The following PTGES variants were observed in gnomAD, a reference collection of about 807,000 sequenced individuals.
PTGES encodes the protein MGST1-like 1.
PTGES carries 3 observed loss-of-function variants against 11.8 expected under a neutral mutation model. The observed-to-expected ratio is 0.25, with a 90% confidence interval of 0.12 to 0.66. PTGES has a LOEUF of 0.66. PTGES is among the 30% of genes least tolerant of loss of function. The pLI is 0.82. For missense variants in PTGES, 180 were observed against 213.0 expected (o/e 0.85, Z 0.96); for synonymous variants, 94 against 90.4 (o/e 1.04, Z -0.22).
At chr9:129,744,593 A>C (rs1323249615) in intron 2 of PTGES, among the ~76,000 whole-genome samples, 1 of 148,468 alleles carries the variant, frequency 6.7e-6, no homozygotes, top group Non-Finnish European at 1.5e-5. Context: ...AAAAAAAAAA[A>C]GACCGGGCGA....
chr9:129,744,837 A>G (rs1021714502), intron 2 of PTGES, among the ~76,000 whole-genome samples: 7 of 151,876 alleles, frequency 4.6e-5, no homozygotes, highest in Non-Finnish European at 7.4e-5. Flanking sequence ...AAACCACGCT[A>G]TTGCACTCCA....
intron 2 of PTGES, among the ~76,000 whole-genome samples, chr9:129,744,995 C>G (rs1182991360): frequency 6.6e-6 from 1 of 152,100 alleles, no homozygotes; most frequent in Non-Finnish European, 1.5e-5. Context: ...GCAAATCTCT[C>G]TCACTCTCTG....
Position 129,745,539 on chromosome 9 carries a change from T to C in PTGES, c.209+3116A>G, listed in dbSNP as rs1024888564. Among the ~76,000 whole-genome samples the C allele has an allele frequency of 1.3e-5, 2 of 152,178 alleles. No individual in the cohort carries two copies. Among genetic ancestry groups the C allele is most frequent in the African/African-American group, 4.8e-5 (2 of 41,426 alleles). The stretch of plus-strand genomic sequence containing the variant: ...TCTCTTAGTTCTGCACACTCAAGTT[T>C]CCATGAGGTTCTGTGAAATCAGGTG... On this transcript the variant is annotated intron_variant, in intron 2 of 2. Coordinates refer to ENST00000340607, the MANE Select transcript of PTGES (RefSeq NM_004878.5). The surrounding 1 kb of genome is among the most constrained non-coding windows in gnomAD (Gnocchi z 4.2).
intron 2 of PTGES, among the ~76,000 whole-genome samples, chr9:129,740,624 G>A (rs1447216301): frequency 6.6e-6 from 1 of 152,064 alleles, no homozygotes; most frequent in Non-Finnish European, 1.5e-5. Flanking sequence ...GGGGGCGGAG[G>A]GGCTCTGTAT....
rs1270619551 is a variant in PTGES, at chr9:129,752,891, T to C, written c.122A>G (p.Lys41Arg). ...AIITGQVRLRKKAFANPEDAL... is the reference protein window; with the variant it reads ...AIITGQVRLRRKAFANPEDAL... The stretch of plus-strand genomic sequence containing the variant: ...GACCCCCAGGGAGGCACATACCTTC[T>C]TCCGCAGCCTCACTTGGCCCGTGAT... Residue 41 changes from lysine (K) to arginine (R), a missense_variant, in exon 1 of 3, where the codon AAG (lysine) becomes AGG (arginine). By Grantham distance (26) the Lys-to-Arg change is conservative. Coordinates refer to ENST00000340607, the MANE Select transcript of PTGES (RefSeq NM_004878.5). 6.2e-7 allele frequency: 1 copy of C among 1,614,010 alleles called. No individual in the cohort carries two copies. The highest frequency in any genetic ancestry group is 8.5e-7 in the Non-Finnish European group (1 of 1,180,046).
In PTGES at chr9:129,745,678, C is replaced by T. The variant is rs548565749; in HGVS notation, c.209+2977G>A. Among the ~76,000 whole-genome samples the T allele has an allele frequency of 3.4e-4, 52 of 152,238 alleles. 1 individual carries two copies. Among genetic ancestry groups the T allele is most frequent in the Middle Eastern group, 3.4e-3 (1 of 294 alleles). On this transcript the variant is annotated intron_variant, in intron 2 of 2. Transcript: ENST00000340607. The surrounding 1 kb of genome is among the most constrained non-coding windows in gnomAD (Gnocchi z 4.2). ...GGCTATAAAGTATTATTAGATAAGA[C>T]GCACTCAGAAAGTGCTGAAATGAAT...
chr9:129,751,197 C>T (rs1465696544), intron 1 of PTGES, among the ~76,000 whole-genome samples: 1 of 152,050 alleles, frequency 6.6e-6, no homozygotes, highest in Non-Finnish European at 1.5e-5. Context: ...GTGACGCACA[C>T]CTATAGTCCC....
chr9:129,739,117 G>A lies in PTGES; in HGVS notation c.*494C>T, dbSNP rs1186459902. On this transcript the variant is annotated 3_prime_UTR_variant, in exon 3 of 3. Transcript: ENST00000340607. The surrounding 1 kb of genome is among the most constrained non-coding windows in gnomAD (Gnocchi z 5.7). ...ACTTCACTCCAGCTTGGGCAACAGA[G>A]CAAGACTCTGTCTTGGAAAAAAAAA... The A allele has an allele frequency of 6.2e-6, 1 of 161,858 alleles. No individual in the cohort carries two copies. The highest frequency in any genetic ancestry group is 1.4e-5 in the Non-Finnish European group (1 of 74,022). The allele number at this position is 161,858 out of a possible 1,614,324, so 10.0% of individuals were successfully genotyped here. A position where few individuals can be genotyped will look rare whatever the true frequency, so the allele number is the denominator to read the frequency against.
At chr9:129,741,009 T>C (rs12553174) in intron 2 of PTGES, among the ~76,000 whole-genome samples, 10,658 of 152,180 alleles carry the variant, frequency 0.07, 453 homozygotes, top group East Asian at 0.19. Context: ...CTCTTCCCTC[T>C]CACTGGCAAG....
At position 129,739,421 on chromosome 9, in the gene PTGES, T is replaced by TAC. The variant is rs561984491; in HGVS notation, c.*188_*189dup. On this transcript the variant is annotated 3_prime_UTR_variant, in exon 3 of 3. Coordinates refer to ENST00000340607, the MANE Select transcript of PTGES (RefSeq NM_004878.5). This position sits in a 1 kb window ranked among gnomAD's most constrained non-coding sequence, Gnocchi z 5.7. ...CAGGAATCCAAGGGGCTAAGAAACATACACACACACATACACACACACGGG... is the reference window on the plus strand; with the variant it reads ...CAGGAATCCAAGGGGCTAAGAAACATACACACACACACATACACACACACGGG... 34 of 632,582 alleles carry TAC rather than the reference T, an allele frequency of 5.4e-5. No homozygotes were observed. Among genetic ancestry groups the TAC allele is most frequent in the African/African-American group, 3.6e-4 (15 of 42,070 alleles). 39.2% of individuals were successfully genotyped at this position (632,582 alleles called of 1,614,324 possible).
At chr9:129,746,468 G>T (rs1447179807) in intron 2 of PTGES, among the ~76,000 whole-genome samples, 1 of 152,186 alleles carries the variant, frequency 6.6e-6, no homozygotes, top group African/African-American at 2.4e-5. Flanking sequence ...GGCCTCATAT[G>T]AAGGATTTGA....
At chr9:129,746,243 G>A (rs1833047663) in intron 2 of PTGES, among the ~76,000 whole-genome samples, 1 of 152,140 alleles carries the variant, frequency 6.6e-6, no homozygotes, top group South Asian at 2.1e-4. Flanking sequence ...CCTCTTGGTG[G>A]CTGCTGTGAG....
intron 1 of PTGES, among the ~76,000 whole-genome samples, chr9:129,748,983 A>G (rs1032007724): frequency 3.9e-5 from 6 of 152,218 alleles, no homozygotes; most frequent in African/African-American, 1.4e-4. Context: ...GAACCAGGGA[A>G]GGCCAGGGTG....
At chr9:129,740,289 C>G (rs1275064040) in intron 2 of PTGES, among the ~76,000 whole-genome samples, 1 of 152,188 alleles carries the variant, frequency 6.6e-6, no homozygotes, top group African/African-American at 2.4e-5. Flanking sequence ...CGAGTTCTGA[C>G]TGGAGTTTGT....
intron 1 of PTGES, among the ~76,000 whole-genome samples, chr9:129,751,367 C>T (rs867675257): frequency 1.5e-4 from 22 of 148,142 alleles, no homozygotes; most frequent in Middle Eastern, 3.6e-3. Flanking sequence ...AAAAAGGAAT[C>T]GCTGGCCTGC....
In PTGES at chr9:129,739,439, C is replaced by T. The variant is rs199603350; in HGVS notation, c.*172G>A. On this transcript the variant is annotated 3_prime_UTR_variant, in exon 3 of 3. Transcript: ENST00000340607. The surrounding 1 kb of genome is among the most constrained non-coding windows in gnomAD (Gnocchi z 5.7). ...AGAAACATACACACACACATACACA[C>T]ACACGGGCACACACACAGGCCCACT... 2.2e-4 allele frequency: 177 copies of T among 809,356 alleles called. No homozygotes were observed. The highest frequency in any genetic ancestry group is 3.8e-4 in the Middle Eastern group (1 of 2,656). The allele number at this position is 809,356 out of a possible 1,614,324, so 50.1% of individuals were successfully genotyped here. A position where few individuals can be genotyped will look rare whatever the true frequency, so the allele number is the denominator to read the frequency against.
chr9:129,750,121 A>G (rs1178578676), intron 1 of PTGES, among the ~76,000 whole-genome samples: 2 of 152,200 alleles, frequency 1.3e-5, no homozygotes, highest in African/African-American at 4.8e-5. Flanking sequence ...GCAGAGACAT[A>G]AAGTCACACT....
intron 1 of PTGES, among the ~76,000 whole-genome samples, chr9:129,752,365 T>C (rs1833120668): frequency 6.6e-6 from 1 of 152,154 alleles, no homozygotes; most frequent in African/African-American, 2.4e-5. Context: ...GTTCAGGGGC[T>C]CGGATTAGTG....
rs1588187197 is a variant in PTGES, at chr9:129,745,894, C to T, written c.209+2761G>A. 1.3e-5 allele frequency among the ~76,000 whole-genome samples: 2 copies of T among 151,934 alleles called. No homozygotes were observed. The highest frequency in any genetic ancestry group is 4.8e-5 in the African/African-American group (2 of 41,416). Reference sequence around the variant, plus strand: ...AAAAAAAAATACAAAAATTAGCTGGCGTGGTCACAGGTGCCTGTAATCCCA... The same window carrying T: ...AAAAAAAAATACAAAAATTAGCTGGTGTGGTCACAGGTGCCTGTAATCCCA... On this transcript the variant is annotated intron_variant, in intron 2 of 2. Transcript: ENST00000340607. The surrounding 1 kb of genome is among the most constrained non-coding windows in gnomAD (Gnocchi z 4.2).
Sources: allele counts gnomAD v4.1 joint callset (sites outside exome capture counted in the v4.1 genomes callset), GRCh38; gene constraint gnomAD v4.1.1; non-coding constraint Gnocchi (gnomAD v3.1); transcripts MANE v1.5; gene names NCBI Gene and HGNC (gene_info 2026-07-23, HGNC 2026-07-21).